The following SYNE1 variants were observed in gnomAD, a reference collection of about 807,000 sequenced individuals.
The protein encoded by SYNE1 is spectrin repeat containing nuclear envelope protein 1.
A neutral mutation model predicts 1,111.0 loss-of-function variants in SYNE1; 616 were observed. The observed-to-expected ratio is 0.55, with a 90% CI of 0.52 to 0.59. SYNE1 has a LOEUF of 0.59. Among genes scored for constraint, SYNE1 ranks in the 20% least tolerant of loss-of-function variants. The pLI, the probability that SYNE1 is intolerant of heterozygous loss-of-function variation, is 0.00. For missense variants in SYNE1, 10,006 were observed against 10,417.0 expected, an observed-to-expected ratio of 0.96 and a Z score of 1.72; for synonymous variants, 3,855 against 3,825.8, an observed-to-expected ratio of 1.01 and a Z score of -0.28.
chr6:152,218,111 G>T, intron 121 of SYNE1, 146 bp downstream of exon 121: 1 of 924,468 alleles, frequency 1.1e-6, no homozygotes, highest in Non-Finnish European at 1.7e-6. Context: ...AGAATCGCTT[G>T]AACCCGGAAA....
At chr6:152,184,408 GC>G in intron 128 of SYNE1, among the ~76,000 whole-genome samples, 1 of 142,284 alleles carries the variant, frequency 7.0e-6, no homozygotes, top group Non-Finnish European at 1.5e-5. Flanking sequence ...CTGCACTCCA[GC>G]CTGGGCAACA....
At position 152,500,529 on chromosome 6, in the gene SYNE1, T is replaced by C. The variant is rs569109797; in HGVS notation, c.889-1737A>G. Among the ~76,000 whole-genome samples, 11 of 152,344 alleles carry C rather than the reference T, an allele frequency of 7.2e-5. No individual in the cohort carries two copies. The East Asian group carries it at 2.1e-3, about 29-fold the overall frequency. ...CATTTAGAGACCTAGGAAACAGTAG[T>C]TACCTCTATTTTGCTTATTCTTTTA... On this transcript the variant is annotated intron_variant, in intron 10 of 145. Transcript: ENST00000367255.
intron 5 of SYNE1, among the ~76,000 whole-genome samples, chr6:152,522,579 G>C (rs754213305): frequency 6.6e-6 from 1 of 152,068 alleles, no homozygotes; most frequent in Non-Finnish European, 1.5e-5. Context: ...ACCCAGTAGT[G>C]GGATTGCTGT....
At chr6:152,475,190 A>G (rs2098827923) in intron 14 of SYNE1, among the ~76,000 whole-genome samples, 1 of 152,234 alleles carries the variant, frequency 6.6e-6, no homozygotes, top group Non-Finnish European at 1.5e-5. Context: ...ATATAAATGC[A>G]TTAATATCAG....
intron 98 of SYNE1, among the ~76,000 whole-genome samples, chr6:152,274,224 TGC>T (rs1303203670): frequency 2.0e-5 from 3 of 152,250 alleles, no homozygotes; most frequent in African/African-American, 7.2e-5. Context: ...AAAGTCACAT[TGC>T]ATGTGCATTT....
intron 34 of SYNE1, among the ~76,000 whole-genome samples, chr6:152,430,915 G>T (rs950624662): frequency 7.2e-5 from 11 of 152,124 alleles, no homozygotes; most frequent in Admixed American, 6.6e-4. Context: ...GGGTTGGGGG[G>T]TGCTTGCTGG....
At chr6:152,593,652 G>A (rs1334810597) in intron 3 of SYNE1, among the ~76,000 whole-genome samples, 1 of 152,122 alleles carries the variant, frequency 6.6e-6, no homozygotes, top group Non-Finnish European at 1.5e-5. Flanking sequence ...TGTGATCTCA[G>A]TGCATTGAGA....
At chr6:152,369,354 C>T (rs759981676) in intron 60 of SYNE1, 117 bp downstream of exon 60, 5 of 1,498,932 alleles carry the variant, frequency 3.3e-6, no homozygotes, top group Middle Eastern at 2.3e-4. Flanking sequence ...GGGAAAAACA[C>T]ACTATGTCTC....
In SYNE1 at chr6:152,329,795, C is replaced by T. The variant is rs780258342; in HGVS notation, c.14890G>A (p.Glu4964Lys). The change falls in exon 78 of 146, where the codon GAA (glutamate) becomes AAA (lysine). Residue 4964 changes from glutamate to lysine, a missense_variant. This residue lies in a region of SYNE1 where 4,955 missense variants were observed against 5,017.2 expected (regional missense o/e 0.99). Coordinates refer to ENST00000367255, the MANE Select transcript of SYNE1 (RefSeq NM_182961.4). ...TCTGAGAGCTCAGCGAGGCTGTGTT[C>T]TAAATCCGCAGAAATCAGCTCCTTG... is the stretch of plus-strand genomic sequence containing the variant. ...KAKELISADLEHSLAELSELD... is the reference protein window; with the variant it reads ...KAKELISADLKHSLAELSELD... 4.1e-5 allele frequency: 66 copies of T among 1,614,054 alleles called. No homozygotes were observed. The Middle Eastern group carries it at 4.9e-4, about 12-fold the overall frequency.
At chr6:152,462,678 TTGC>T (rs1385463030) in intron 20 of SYNE1, 57 bp downstream of exon 20, 2 of 1,604,700 alleles carry the variant, frequency 1.2e-6, no homozygotes, top group African/African-American at 1.3e-5. Context: ...CTGAATAAAC[TTGC>T]TGATCTTTCC....
At chr6:152,620,930 C>T (rs2099674010) in intron 3 of SYNE1, among the ~76,000 whole-genome samples, 1 of 152,146 alleles carries the variant, frequency 6.6e-6, no homozygotes, top group Admixed American at 6.6e-5. Context: ...TACATACACA[C>T]AACCCAATAC....
chr6:152,487,680 A>G (rs1001951560), intron 12 of SYNE1, among the ~76,000 whole-genome samples: 5 of 152,132 alleles, frequency 3.3e-5, no homozygotes, highest in African/African-American at 1.2e-4. Flanking sequence ...TCCAATACTC[A>G]TGTTGCAATC....
At chr6:152,564,286 T>C (rs2099404189) in intron 3 of SYNE1, among the ~76,000 whole-genome samples, 1 of 152,142 alleles carries the variant, frequency 6.6e-6, no homozygotes, top group Non-Finnish European at 1.5e-5. Context: ...CTGACTCATT[T>C]AGAGTAAGAA....
intron 74 of SYNE1, 37 bp from the exon 75 acceptor site, chr6:152,339,403 C>T: frequency 5.6e-6 from 9 of 1,610,484 alleles, no homozygotes; most frequent in Non-Finnish European, 7.6e-6. Flanking sequence ...AGAGATGCAT[C>T]AGCTATTTAG....
chr6:152,159,660 A>G (rs2062042411), intron 131 of SYNE1, among the ~76,000 whole-genome samples: 1 of 152,090 alleles, frequency 6.6e-6, no homozygotes, highest in Admixed American at 6.5e-5. Flanking sequence ...GCTGGAGTGC[A>G]GGGGTGTGAT....
At chr6:152,546,829 T>A (rs2099315848) in intron 3 of SYNE1, 1 of 152,182 alleles carries the variant, frequency 6.6e-6, no homozygotes, top group Non-Finnish European at 1.5e-5. Flanking sequence ...AGGTCTTGTA[T>A]TTGCTGCATC....
chr6:152,304,796 T>C (rs746178126), intron 91 of SYNE1, among the ~76,000 whole-genome samples: 18 of 152,212 alleles, frequency 1.2e-4, no homozygotes, highest in Admixed American at 2.6e-4. Flanking sequence ...ACAAAACTCA[T>C]TTGGATTGTT....
rs539319557 is a variant in SYNE1, at chr6:152,376,608, A to G, written c.9147-50T>C. On this transcript the variant is annotated intron_variant, in intron 57 of 145. Coordinates refer to ENST00000367255, the MANE Select transcript of SYNE1 (RefSeq NM_182961.4). ...ATGGCAGGAAAAAGCGATAAAGTTGATGAAAATCATGTTTGATAGAATCAC... is the reference window on the plus strand; with the variant it reads ...ATGGCAGGAAAAAGCGATAAAGTTGGTGAAAATCATGTTTGATAGAATCAC... The G allele has an allele frequency of 3.1e-6, 5 of 1,603,804 alleles. No homozygotes were observed. The African/African-American group carries it at 6.7e-5, about 21-fold the overall frequency.
intron 3 of SYNE1, among the ~76,000 whole-genome samples, chr6:152,608,774 A>G (rs1198669150): frequency 6.6e-6 from 1 of 152,074 alleles, no homozygotes; most frequent in African/African-American, 2.4e-5. Context: ...TCTCTACTAA[A>G]AATACAAAAA....
Sources: allele counts gnomAD v4.1 joint callset (sites outside exome capture counted in the v4.1 genomes callset), GRCh38; gene constraint gnomAD v4.1.1; regional missense constraint gnomAD v4.1.1; transcripts MANE v1.5; gene names NCBI Gene and HGNC (gene_info 2026-07-23, HGNC 2026-07-21).